ACYP1: variants seen among roughly 807,000 people sequenced by gnomAD.
ACYP1 encodes the protein acylphosphatase 1, also known as acylphosphatase-1.
ACYP1 carries 8 observed loss-of-function variants against 10.4 expected under a neutral mutation model. The observed-to-expected ratio is 0.77, with a 90% confidence interval of 0.45 to 1.38. The LOEUF is 1.38. ACYP1 is among the 40% of genes most tolerant of loss of function. The probability of loss-of-function intolerance (pLI) is 0.00; values close to 1 mark genes in which losing one functional copy is unlikely to be tolerated. For synonymous variants in ACYP1, 38 were observed against 40.8 expected, an observed-to-expected ratio of 0.93 and a Z score of 0.26; for missense variants, 93 against 117.3, an observed-to-expected ratio of 0.79 and a Z score of 0.96.
At chr14:75,069,392 G>C (rs1893242390) in exon 1 of ACYP1, 1 of 963,014 alleles carries the variant, frequency 1.0e-6, no homozygotes, top group Non-Finnish European at 1.4e-6. Context: ...AAAAGTACAA[G>C]TTCTTCTTTG....
chr14:75,064,019 G>A lies in ACYP1; in HGVS notation c.-74C>T. The A allele has an allele frequency of 1.0e-6, 1 of 988,250 alleles. No homozygotes were observed. Among genetic ancestry groups the A allele is most frequent in the African/African-American group, 1.7e-5 (1 of 57,374 alleles). 61.2% of individuals were successfully genotyped at this position (988,250 alleles called of 1,614,324 possible). On this transcript the variant is annotated 5_prime_UTR_variant, in exon 1 of 3. Transcript: ENST00000238618. ...ACCACCACGCCAACGGCTCACCAAG[G>A]CGCGCAAACCTCCGCGCCCGGAAGT...
chr14:75,063,640 C>G (rs1023883536), intron 1 of ACYP1, 79 bp from the exon 2 acceptor site: 1 of 1,130,640 alleles, frequency 8.8e-7, no homozygotes, highest in Non-Finnish European at 1.3e-6. Flanking sequence ...AGGGCCACAC[C>G]CACCCCTGTC....
chr14:75,063,119 C>T (rs1286219356), intron 2 of ACYP1: 2 of 255,542 alleles, frequency 7.8e-6, no homozygotes, highest in African/African-American at 2.2e-5. Context: ...ATCTAAATGC[C>T]AGCTCTTCAA....
At chr14:75,060,299 T>C (rs928748464) in intron 2 of ACYP1, 1 of 670,972 alleles carries the variant, frequency 1.5e-6, no homozygotes. Context: ...AAATATTACC[T>C]CATACCCACT....
chr14:75,067,767 G>A (rs1357575330), upstream of ACYP1, among the ~76,000 whole-genome samples: 1 of 152,062 alleles, frequency 6.6e-6, no homozygotes, highest in East Asian at 1.9e-4. Context: ...TGAGGCGGGA[G>A]GATCTCTTTT....
chr14:75,060,352 T>C, intron 2 of ACYP1: 1 of 590,658 alleles, frequency 1.7e-6, no homozygotes, highest in South Asian at 2.1e-5. Flanking sequence ...TTGGCAAGGA[T>C]GTGGACAAAC....
intron 2 of ACYP1, among the ~76,000 whole-genome samples, chr14:75,054,978 T>C (rs1339436251): frequency 2.0e-5 from 3 of 151,412 alleles, no homozygotes; most frequent in African/African-American, 7.3e-5. Flanking sequence ...TCTTAAGAGT[T>C]ATCTTATATG....
chr14:75,057,481 A>G (rs1892904091), intron 2 of ACYP1, among the ~76,000 whole-genome samples: 1 of 151,574 alleles, frequency 6.6e-6, no homozygotes, highest in Non-Finnish European at 1.5e-5. Context: ...TTTTGCAGAA[A>G]TCGAAAAATT....
At chr14:75,060,526 A>T (rs192673727) in intron 2 of ACYP1, among the ~76,000 whole-genome samples, 6 of 152,366 alleles carry the variant, frequency 3.9e-5, no homozygotes, top group African/African-American at 4.8e-5. Context: ...CTACATAAAA[A>T]TATGTGCATA....
intron 2 of ACYP1, chr14:75,060,270 C>A: frequency 1.4e-6 from 1 of 691,436 alleles, no homozygotes; most frequent in Non-Finnish European, 2.6e-6. Context: ...ACCTGAAAAA[C>A]AAACAAACAA....
intron 1 of ACYP1, 147 bp downstream of exon 1, chr14:75,063,807 G>T: frequency 1.4e-6 from 1 of 714,854 alleles, no homozygotes. Flanking sequence ...GAAATAACCT[G>T]AGGACCGATG....
intron 2 of ACYP1, among the ~76,000 whole-genome samples, chr14:75,058,717 A>T (rs943148136): frequency 6.6e-6 from 1 of 151,680 alleles, no homozygotes. Flanking sequence ...CCTTACATTT[A>T]TGTTGATTTT....
At position 75,057,695 on chromosome 14, in the gene ACYP1, G is replaced by A. The variant is rs1321512575; in HGVS notation, c.85-4036C>T. Among the ~76,000 whole-genome samples the A allele has an allele frequency of 3.3e-5, 5 of 151,352 alleles. 1 individual carries two copies. The highest frequency in any genetic ancestry group is 9.8e-5 in the African/African-American group (4 of 40,864). ...ATAAAGAACTACCTGAGGACCAGGC[G>A]TGGTAGCTCACACCTGTAATCCCAG... On this transcript the variant is annotated intron_variant, in intron 2 of 2. Transcript: ENST00000238618.
intron 2 of ACYP1, chr14:75,061,684 C>G: frequency 6.3e-7 from 1 of 1,585,142 alleles, no homozygotes. Flanking sequence ...AGGAACTTAC[C>G]TGCATAACTG....
At chr14:75,056,648 C>A (rs1238619975) in intron 2 of ACYP1, among the ~76,000 whole-genome samples, 1 of 151,284 alleles carries the variant, frequency 6.6e-6, no homozygotes, top group Admixed American at 6.6e-5. Context: ...TACTAGCAAA[C>A]CAAATCAGGC....
chr14:75,058,542 C>G (rs2139651008), intron 2 of ACYP1, among the ~76,000 whole-genome samples: 1 of 151,276 alleles, frequency 6.6e-6, no homozygotes. Context: ...GAGCATTAAT[C>G]TACTCATGAG....
At chr14:75,067,218 CACACACACAT>C (rs1893156992), upstream of ACYP1, among the ~76,000 whole-genome samples, 2 of 72,730 alleles carry the variant, frequency 2.7e-5, no homozygotes, top group African/African-American at 4.2e-5. Flanking sequence ...CACACACACA[CACACACACAT>C]ATATATGAAA....
chr14:75,060,497 A>G (rs1379763862), intron 2 of ACYP1, among the ~76,000 whole-genome samples: 1 of 152,248 alleles, frequency 6.6e-6, no homozygotes, highest in Non-Finnish European at 1.5e-5. Context: ...TATATACTCA[A>G]TGGAACTGAA....
At chr14:75,063,261 C>T in intron 2 of ACYP1, 1 of 555,174 alleles carries the variant, frequency 1.8e-6, no homozygotes, top group South Asian at 2.1e-5. Context: ...TCAGGCACCA[C>T]TGACTAATAA....
Sources: gnomAD v4.1 joint callset for allele counts (sites outside exome capture counted in the v4.1 genomes callset) on GRCh38, gnomAD v4.1.1 for gene constraint, MANE v1.5 for transcripts, NCBI Gene and HGNC (gene_info 2026-07-23, HGNC 2026-07-21) for gene names.